Variants in ZBBX observed in about 807,000 individuals in gnomAD.
ZBBX encodes the protein zinc finger B-box domain containing.
ZBBX carries 101 observed loss-of-function variants against 108.5 expected under a neutral mutation model. The observed-to-expected ratio is 0.93, with a 90% confidence interval of 0.79 to 1.10. The LOEUF (loss-of-function observed/expected upper bound fraction) is 1.10, where lower values mean the gene tolerates loss of function less well. ZBBX is among the 50% of genes least tolerant of loss of function. The pLI, the probability that ZBBX is intolerant of heterozygous loss-of-function variation, is 0.00. For synonymous variants in ZBBX, 356 were observed against 323.4 expected, an observed-to-expected ratio of 1.10 and a Z score of -1.08; for missense variants, 1,009 against 941.4, an observed-to-expected ratio of 1.07 and a Z score of -0.94.
At chr3:167,206,634 C>T in the ZBBX span, among the ~76,000 whole-genome samples, 43 of 151,554 alleles carry the variant, frequency 2.8e-4, no homozygotes, top group African/African-American at 1.0e-3. Flanking sequence ...TTTTTCACTG[C>T]CAAAAAAAAA....
the ZBBX span, among the ~76,000 whole-genome samples, chr3:167,208,928 G>GGCCA: frequency 6.6e-6 from 1 of 152,078 alleles, no homozygotes; most frequent in African/African-American, 2.4e-5. Context: ...CCAGAAGAGA[G>GGCCA]GCCACTGCAT....
intron 1 of ZBBX, among the ~76,000 whole-genome samples, chr3:167,396,114 A>G (rs1034429196): frequency 1.3e-5 from 2 of 152,020 alleles, no homozygotes; most frequent in African/African-American, 4.8e-5. Context: ...CCATGCAAAA[A>G]TACAGTTCCT....
At chr3:167,213,954 G>A in the ZBBX span, among the ~76,000 whole-genome samples, 1 of 152,096 alleles carries the variant, frequency 6.6e-6, no homozygotes, top group African/African-American at 2.4e-5. Flanking sequence ...AAGTGAAGAA[G>A]AAATAAGATC....
intron 20 of ZBBX, 44 bp downstream of exon 20, chr3:167,282,194 G>C (rs546960567): frequency 1.3e-6 from 2 of 1,550,472 alleles, no homozygotes; most frequent in Non-Finnish European, 1.7e-6. Flanking sequence ...GCTGAGGGCA[G>C]AGTTAATTAG....
the ZBBX span, among the ~76,000 whole-genome samples, chr3:167,188,982 C>G: frequency 2.4e-4 from 36 of 152,224 alleles, no homozygotes; most frequent in South Asian, 8.3e-4. Context: ...TCATACTTTA[C>G]CTATCTTATG....
the ZBBX span, among the ~76,000 whole-genome samples, chr3:167,183,683 G>A: frequency 5.6e-3 from 846 of 152,310 alleles, 12 homozygotes; most frequent in African/African-American, 0.019. Context: ...GAACATGTCC[G>A]TAAGGCACAG....
At chr3:167,313,471 T>C (rs1047955742) in intron 16 of ZBBX, among the ~76,000 whole-genome samples, 1 of 151,784 alleles carries the variant, frequency 6.6e-6, no homozygotes, top group African/African-American at 2.4e-5. Flanking sequence ...TTAGTAGAGA[T>C]AGGGTTTTGC....
chr3:167,402,355 G>A (rs149889189), intron 1 of ZBBX, among the ~76,000 whole-genome samples: 2 of 152,094 alleles, frequency 1.3e-5, no homozygotes, highest in African/African-American at 2.4e-5. Flanking sequence ...GAATGTTGGC[G>A]ATTGGGTTAA....
chr3:167,407,319 A>G (rs1370720123), intron 1 of ZBBX, among the ~76,000 whole-genome samples: 1 of 152,228 alleles, frequency 6.6e-6, no homozygotes, highest in Non-Finnish European at 1.5e-5. Context: ...TTTTATAGGT[A>G]GAAATGTCCA....
chr3:167,290,864 T>C (rs1397470784), intron 18 of ZBBX, among the ~76,000 whole-genome samples: 1 of 152,038 alleles, frequency 6.6e-6, no homozygotes, highest in South Asian at 2.1e-4. Flanking sequence ...AGAACATAAA[T>C]GACCTGCTGG....
At chr3:167,396,349 T>C (rs1748235098) in intron 1 of ZBBX, among the ~76,000 whole-genome samples, 1 of 151,904 alleles carries the variant, frequency 6.6e-6, no homozygotes, top group South Asian at 2.1e-4. Flanking sequence ...AATCAGGATT[T>C]CTATGCTGTG....
At chr3:167,311,923 T>C (rs1734660975) in intron 16 of ZBBX, among the ~76,000 whole-genome samples, 1 of 152,160 alleles carries the variant, frequency 6.6e-6, no homozygotes, top group African/African-American at 2.4e-5. Context: ...CCAATAGTTA[T>C]GCTCCTTGGT....
chr3:167,267,056 G>A (rs1725643058), intron 20 of ZBBX, among the ~76,000 whole-genome samples: 1 of 152,168 alleles, frequency 6.6e-6, no homozygotes, highest in Non-Finnish European at 1.5e-5. Flanking sequence ...GGTAAGAAAA[G>A]TCACAGGGGC....
At chr3:167,315,693 G>A in intron 15 of ZBBX, 57 bp downstream of exon 15, 1 of 1,152,564 alleles carries the variant, frequency 8.7e-7, no homozygotes, top group Middle Eastern at 2.2e-4. Context: ...AGATGATTTT[G>A]TGTGTGTGTC....
intron 17 of ZBBX, among the ~76,000 whole-genome samples, chr3:167,299,595 A>G (rs966551781): frequency 2.6e-5 from 4 of 152,160 alleles, no homozygotes; most frequent in African/African-American, 9.6e-5. Flanking sequence ...GAGCCAGAAC[A>G]AAGGACCCCT....
At chr3:167,191,575 G>T in the ZBBX span, among the ~76,000 whole-genome samples, 1 of 152,012 alleles carries the variant, frequency 6.6e-6, no homozygotes. Context: ...CTCTGCACAA[G>T]CTCTGTCTTT....
the ZBBX span, among the ~76,000 whole-genome samples, chr3:167,178,564 G>A: frequency 2.0e-5 from 3 of 152,084 alleles, no homozygotes; most frequent in South Asian, 2.1e-4. Context: ...GGGATCCTCA[G>A]GTTCCTCCCA....
At chr3:167,406,791 C>A (rs1448238435) in intron 1 of ZBBX, among the ~76,000 whole-genome samples, 1 of 152,078 alleles carries the variant, frequency 6.6e-6, no homozygotes. Context: ...TGGAAAGGAT[C>A]AGGGAAGTTG....
intron 17 of ZBBX, among the ~76,000 whole-genome samples, chr3:167,301,056 T>C (rs184535233): frequency 1.3e-5 from 2 of 152,270 alleles, no homozygotes; most frequent in East Asian, 3.9e-4. Context: ...AGTTATTTTT[T>C]CTAATTCTCT....
Sources: gnomAD v4.1 joint callset for allele counts (sites outside exome capture counted in the v4.1 genomes callset) on GRCh38, gnomAD v4.1.1 for gene constraint, MANE v1.5 for transcripts, NCBI Gene and HGNC (gene_info 2026-07-23, HGNC 2026-07-21) for gene names.